CACNA2D3: variants seen among roughly 807,000 people sequenced by gnomAD.
The protein encoded by CACNA2D3 is voltage-dependent calcium channel subunit alpha-2/delta-3.
Under a neutral mutation model 160.6 loss-of-function variants are expected in CACNA2D3, and 60 were observed. That is an observed-to-expected ratio of 0.37 (90% CI 0.30 to 0.46). The LOEUF (loss-of-function observed/expected upper bound fraction) is 0.46, where lower values mean the gene tolerates loss of function less well. Ranked by LOEUF, CACNA2D3 falls within the 20% of genes least tolerant of loss-of-function variation. The probability of loss-of-function intolerance (pLI) is 1.00; values close to 1 mark genes in which losing one functional copy is unlikely to be tolerated. For synonymous variants in CACNA2D3, 558 were observed against 492.9 expected (o/e 1.13, Z -1.75); for missense variants, 1,205 against 1,365.0 (o/e 0.88, Z 1.85).
At chr3:54,407,897 G>A (rs142502396) in intron 4 of CACNA2D3, among the ~76,000 whole-genome samples, 34 of 152,186 alleles carry the variant, frequency 2.2e-4, no homozygotes, top group African/African-American at 7.7e-4. Flanking sequence ...TTGCTCATCC[G>A]TAAAAGGATG....
intron 9 of CACNA2D3, among the ~76,000 whole-genome samples, chr3:54,582,666 G>A (rs766223167): frequency 6.6e-6 from 1 of 152,186 alleles, no homozygotes; most frequent in Non-Finnish European, 1.5e-5. Context: ...CTGACACACA[G>A]AGCTGCTCTT....
intron 11 of CACNA2D3, among the ~76,000 whole-genome samples, chr3:54,702,397 T>G (rs2106949538): frequency 6.6e-6 from 1 of 151,620 alleles, no homozygotes; most frequent in South Asian, 2.1e-4. Context: ...GAACTTAAAC[T>G]TAAGGAACTT....
chr3:54,264,066 C>T (rs973061320), intron 2 of CACNA2D3, among the ~76,000 whole-genome samples: 4 of 152,104 alleles, frequency 2.6e-5, no homozygotes, highest in African/African-American at 9.7e-5. Context: ...TCTTGAATGC[C>T]AGTGTTTTAT....
intron 11 of CACNA2D3, among the ~76,000 whole-genome samples, chr3:54,687,573 G>C (rs1329843749): frequency 6.6e-6 from 1 of 152,116 alleles, no homozygotes; most frequent in East Asian, 1.9e-4. Context: ...ATGCCCAAAA[G>C]TTTTGAAATA....
intron 13 of CACNA2D3, among the ~76,000 whole-genome samples, chr3:54,805,368 A>G (rs1361063472): frequency 6.6e-6 from 1 of 152,238 alleles, no homozygotes; most frequent in Non-Finnish European, 1.5e-5. Flanking sequence ...GATAAAGGGG[A>G]TATCACTACC....
intron 4 of CACNA2D3, among the ~76,000 whole-genome samples, chr3:54,466,420 C>G (rs963588328): frequency 6.6e-6 from 1 of 152,164 alleles, no homozygotes; most frequent in Non-Finnish European, 1.5e-5. Flanking sequence ...AAGAAACCCA[C>G]AAGCTAACAG....
intron 17 of CACNA2D3, among the ~76,000 whole-genome samples, chr3:54,856,412 C>A (rs1041667756): frequency 6.6e-6 from 1 of 152,084 alleles, no homozygotes; most frequent in African/African-American, 2.4e-5. Context: ...GTTACTTGCT[C>A]ATTTGTGTGT....
At chr3:54,751,477 C>T (rs1701856101) in intron 11 of CACNA2D3, among the ~76,000 whole-genome samples, 1 of 151,882 alleles carries the variant, frequency 6.6e-6, no homozygotes, top group African/African-American at 2.4e-5. Flanking sequence ...TTAATCTCTT[C>T]ATGTATTGAG....
At chr3:54,285,648 A>G (rs1488938698) in intron 2 of CACNA2D3, among the ~76,000 whole-genome samples, 1 of 152,030 alleles carries the variant, frequency 6.6e-6, no homozygotes, top group East Asian at 1.9e-4. Flanking sequence ...TGGGTCCCTG[A>G]CCCCCGAGCA....
At chr3:54,296,665 A>C (rs1157267682) in intron 2 of CACNA2D3, among the ~76,000 whole-genome samples, 1 of 152,174 alleles carries the variant, frequency 6.6e-6, no homozygotes, top group Non-Finnish European at 1.5e-5. Flanking sequence ...TTTCCCTCAA[A>C]AATAAAAAGA....
intron 27 of CACNA2D3, among the ~76,000 whole-genome samples, chr3:54,951,508 T>A (rs1271470516): frequency 6.6e-6 from 1 of 152,180 alleles, no homozygotes. Context: ...GTTGTAGGAT[T>A]TCAGTTACTG....
chr3:55,017,795 C>A (rs1010599044), intron 34 of CACNA2D3, among the ~76,000 whole-genome samples: 4 of 152,184 alleles, frequency 2.6e-5, no homozygotes, highest in Admixed American at 1.3e-4. Context: ...TTTCAATTTT[C>A]TTTCTATAAT....
chr3:54,564,466 A>G (rs1279354748), intron 6 of CACNA2D3, among the ~76,000 whole-genome samples: 1 of 152,176 alleles, frequency 6.6e-6, no homozygotes, highest in Non-Finnish European at 1.5e-5. Context: ...AAGGTGTTTC[A>G]ATGCCTTGAT....
intron 2 of CACNA2D3, among the ~76,000 whole-genome samples, chr3:54,254,808 A>G (rs1702263306): frequency 6.6e-6 from 1 of 152,114 alleles, no homozygotes; most frequent in Non-Finnish European, 1.5e-5. Flanking sequence ...CAGCTTGTAT[A>G]CTCTAAGGGA....
At chr3:54,321,327 A>C (rs1703987417) in intron 3 of CACNA2D3, among the ~76,000 whole-genome samples, 1 of 152,012 alleles carries the variant, frequency 6.6e-6, no homozygotes, top group Admixed American at 6.6e-5. Flanking sequence ...CTCAAAAAAA[A>C]AAAAAAGTTT....
chr3:54,402,209 GGA>G (rs1699480725), intron 4 of CACNA2D3, among the ~76,000 whole-genome samples: 1 of 151,298 alleles, frequency 6.6e-6, no homozygotes, highest in Admixed American at 6.6e-5. Flanking sequence ...AACAAGAGAG[GGA>G]GAAGGGAACA....
rs534258386 is a variant in CACNA2D3, at chr3:55,002,792, C to A, written c.2691-1971C>A. Among the ~76,000 whole-genome samples the A allele has an allele frequency of 2.6e-5, 4 of 152,262 alleles. No individual in the cohort carries two copies. In the East Asian group the frequency reaches 7.7e-4, roughly 29 times the overall value. On this transcript the variant is annotated intron_variant, in intron 31 of 37. Coordinates refer to ENST00000474759, the MANE Select transcript of CACNA2D3 (RefSeq NM_018398.3). ...TGTGATGCTGCTGGTTAGGAGCTGGCTTTGATCTTCCATTTGGTCAAATGT... is the reference window on the plus strand; with the variant it reads ...TGTGATGCTGCTGGTTAGGAGCTGGATTTGATCTTCCATTTGGTCAAATGT...
intron 5 of CACNA2D3, among the ~76,000 whole-genome samples, chr3:54,545,281 A>G (rs1702043635): frequency 1.3e-5 from 2 of 152,226 alleles, no homozygotes; most frequent in African/African-American, 4.8e-5. Context: ...TTTTAAAACA[A>G]TTTCAGCTAA....
intron 2 of CACNA2D3, among the ~76,000 whole-genome samples, chr3:54,297,739 A>C (rs931054934): frequency 5.3e-5 from 8 of 151,422 alleles, no homozygotes; most frequent in African/African-American, 1.9e-4. Flanking sequence ...AGAGTGAAGA[A>C]ATGGTAACAC....
Sources: allele counts gnomAD v4.1 joint callset (sites outside exome capture counted in the v4.1 genomes callset), GRCh38; gene constraint gnomAD v4.1.1; transcripts MANE v1.5; gene names NCBI Gene and HGNC (gene_info 2026-07-23, HGNC 2026-07-21).